GRID2: variants seen among roughly 807,000 people sequenced by gnomAD.
GRID2 encodes glutamate ionotropic receptor delta type subunit 2.
Under a neutral mutation model 114.8 loss-of-function variants are expected in GRID2, and 33 were observed. The observed-to-expected ratio is 0.29, with a 90% CI of 0.22 to 0.38. The LOEUF (loss-of-function observed/expected upper bound fraction) is 0.38, where lower values mean the gene tolerates loss of function less well. GRID2 is among the 10% of genes least tolerant of loss of function. The pLI is 1.00. For missense variants in GRID2, 1,184 were observed against 1,257.7 expected (o/e 0.94, Z 0.89); for synonymous variants, 505 against 449.9 (o/e 1.12, Z -1.55).
chr4:93,556,561 A>G (rs1039652141), intron 13 of GRID2, among the ~76,000 whole-genome samples: 6 of 152,172 alleles, frequency 3.9e-5, no homozygotes, highest in South Asian at 2.1e-4. Context: ...TAGAGAAAAA[A>G]GGAATAAAAA....
chr4:93,717,181 T>A (rs76963170), intron 14 of GRID2, among the ~76,000 whole-genome samples: 6,409 of 152,268 alleles, frequency 0.042, 218 homozygotes, highest in African/African-American at 0.084. Flanking sequence ...TTTGCCATAT[T>A]GGACATAGAT....
At chr4:93,477,655 T>C (rs1229183278) in intron 11 of GRID2, among the ~76,000 whole-genome samples, 2 of 152,140 alleles carry the variant, frequency 1.3e-5, no homozygotes, top group Non-Finnish European at 2.9e-5. Flanking sequence ...CTTTGCTAAT[T>C]AATGTTCTGG....
chr4:92,969,130 C>T (rs138387655), intron 2 of GRID2, among the ~76,000 whole-genome samples: 60 of 151,516 alleles, frequency 4.0e-4, no homozygotes, highest in African/African-American at 1.2e-3. Flanking sequence ...GTTTTGACAG[C>T]GTGTTTGCTT....
chr4:93,645,903 A>AGTAG (rs2149714421), intron 14 of GRID2, among the ~76,000 whole-genome samples: 1 of 152,292 alleles, frequency 6.6e-6, no homozygotes, highest in South Asian at 2.1e-4. Context: ...TCCATAATAA[A>AGTAG]GTAGGTGTTC....
At chr4:93,070,138 A>G (rs1200000210) in intron 2 of GRID2, among the ~76,000 whole-genome samples, 1 of 152,148 alleles carries the variant, frequency 6.6e-6, no homozygotes, top group Non-Finnish European at 1.5e-5. Flanking sequence ...GCACAATACT[A>G]CTTATAAAAA....
chr4:92,358,071 G>A (rs1306619233), intron 1 of GRID2, among the ~76,000 whole-genome samples: 1 of 151,922 alleles, frequency 6.6e-6, no homozygotes, highest in African/African-American at 2.4e-5. Context: ...AGTGTGAGAA[G>A]GGATTTAATG....
At chr4:93,548,993 G>A (rs1172407352) in intron 13 of GRID2, among the ~76,000 whole-genome samples, 1 of 151,774 alleles carries the variant, frequency 6.6e-6, no homozygotes, top group African/African-American at 2.4e-5. Flanking sequence ...GAAGAAATAA[G>A]TTAATATAAA....
At chr4:93,735,379 A>T (rs572661593) in intron 14 of GRID2, among the ~76,000 whole-genome samples, 1 of 151,972 alleles carries the variant, frequency 6.6e-6, no homozygotes, top group South Asian at 2.1e-4. Context: ...AGAAAGTTTT[A>T]TGTATACAAC....
At chr4:92,429,347 C>G (rs545821837) in intron 1 of GRID2, among the ~76,000 whole-genome samples, 2 of 152,226 alleles carry the variant, frequency 1.3e-5, no homozygotes, top group African/African-American at 4.8e-5. Context: ...AACATGTGAA[C>G]TTTGTCTTTC....
chr4:93,725,253 G>C, intron 14 of GRID2, among the ~76,000 whole-genome samples: 1 of 152,050 alleles, frequency 6.6e-6, no homozygotes, highest in East Asian at 1.9e-4. Context: ...CTGTCCTTGC[G>C]ATAGTTTGCT....
intron 2 of GRID2, among the ~76,000 whole-genome samples, chr4:92,956,992 T>A (rs1416049151): frequency 1.3e-5 from 2 of 152,158 alleles, no homozygotes; most frequent in African/African-American, 4.8e-5. Context: ...ATTTGGCTCA[T>A]TTTTTGTTTG....
chr4:92,460,100 T>C (rs899319030), intron 1 of GRID2, among the ~76,000 whole-genome samples: 7 of 135,476 alleles, frequency 5.2e-5, no homozygotes, highest in African/African-American at 2.0e-4. Context: ...CTCTGACTAA[T>C]ATATGCTTCA....
At chr4:92,371,246 A>G (rs1297532530) in intron 1 of GRID2, among the ~76,000 whole-genome samples, 1 of 152,184 alleles carries the variant, frequency 6.6e-6, no homozygotes, top group Non-Finnish European at 1.5e-5. Context: ...ACATAGCTAA[A>G]ATAATTTATG....
At chr4:92,878,089 T>C (rs1745760319) in intron 2 of GRID2, among the ~76,000 whole-genome samples, 1 of 152,174 alleles carries the variant, frequency 6.6e-6, no homozygotes, top group South Asian at 2.1e-4. Context: ...TTGTGATTGA[T>C]ATAACTGGGT....
chr4:93,181,229 T>C (rs967616490), intron 4 of GRID2, among the ~76,000 whole-genome samples: 1 of 152,104 alleles, frequency 6.6e-6, no homozygotes, highest in Non-Finnish European at 1.5e-5. Flanking sequence ...GGTGACCAAG[T>C]GTGTTGTCAA....
chr4:93,003,183 A>T (rs759129097), intron 2 of GRID2, among the ~76,000 whole-genome samples: 23 of 151,920 alleles, frequency 1.5e-4, no homozygotes, highest in Admixed American at 7.9e-4. Flanking sequence ...TACCAAAATG[A>T]TACAAACTGC....
intron 1 of GRID2, among the ~76,000 whole-genome samples, chr4:92,464,041 C>T (rs1413944344): frequency 6.6e-6 from 1 of 151,952 alleles, no homozygotes; most frequent in Non-Finnish European, 1.5e-5. Context: ...GAGACTCAAT[C>T]CTACCCTATT....
At chr4:92,846,263 A>T (rs1327117397) in intron 2 of GRID2, among the ~76,000 whole-genome samples, 2 of 152,050 alleles carry the variant, frequency 1.3e-5, no homozygotes, top group East Asian at 3.9e-4. Context: ...TGATCCCACC[A>T]TCCTGGTACT....
chr4:92,676,246 T>C (rs1467538917), intron 2 of GRID2, among the ~76,000 whole-genome samples: 144 of 7,152 alleles, frequency 0.02, no homozygotes, highest in Non-Finnish European at 0.018. Context: ...AGTGGCGCTA[T>C]CTCGGCTCAC....
Sources: allele counts gnomAD v4.1 joint callset (sites outside exome capture counted in the v4.1 genomes callset), GRCh38; gene constraint gnomAD v4.1.1; transcripts MANE v1.5; gene names NCBI Gene and HGNC (gene_info 2026-07-23, HGNC 2026-07-21).